Variants in SOS1 observed in about 807,000 individuals in gnomAD.
The protein encoded by SOS1 is SOS Ras/Rac guanine nucleotide exchange factor 1.
In SOS1, 25 loss-of-function variants were observed where a neutral mutation model predicts 157.6. That is an observed-to-expected ratio of 0.16 (90% CI 0.12 to 0.22). SOS1 has a LOEUF of 0.22. Ranked by LOEUF, SOS1 falls within the 10% of genes least tolerant of loss-of-function variation. SOS1 has a pLI of 1.00. For synonymous variants in SOS1, 528 were observed against 534.0 expected (o/e 0.99, Z 0.16); for missense variants, 1,237 against 1,599.1 (o/e 0.77, Z 3.86).
At position 39,003,224 on chromosome 2, in the gene SOS1, G is replaced by C. The variant is rs138503815; in HGVS notation, c.2791+3188C>G. Among the ~76,000 whole-genome samples, 630 of 152,054 alleles carry C rather than the reference G, an allele frequency of 4.1e-3. 8 individuals carry two copies. The highest frequency in any genetic ancestry group is 0.014 in the African/African-American group (597 of 41,476). ...AGCAAGTAAGTGAAAACAGAAATGA[G>C]AAAGATATATTACAAATAGCGGTAA... On this transcript the variant is annotated intron_variant, in intron 17 of 22. Transcript: ENST00000402219.
chr2:39,074,967 G>C (rs1000423461), intron 1 of SOS1, among the ~76,000 whole-genome samples: 3 of 152,086 alleles, frequency 2.0e-5, no homozygotes, highest in Non-Finnish European at 4.4e-5. Context: ...CATGTAGGGA[G>C]ACTGGAAGGC....
intron 22 of SOS1, 33 bp downstream of exon 22, chr2:38,987,440 C>G: frequency 9.0e-7 from 1 of 1,116,516 alleles, no homozygotes; most frequent in South Asian, 1.3e-5. Context: ...TGTAATGATT[C>G]CAATTTCTAC....
intron 1 of SOS1, among the ~76,000 whole-genome samples, chr2:39,075,601 C>T (rs1036925455): frequency 1.5e-3 from 226 of 151,288 alleles, no homozygotes; most frequent in African/African-American, 5.3e-3. Context: ...TCTAGGAGTC[C>T]GAGACCAGCC....
chr2:39,002,396 A>G (rs1468632148), intron 17 of SOS1, among the ~76,000 whole-genome samples: 1 of 152,140 alleles, frequency 6.6e-6, no homozygotes, highest in Non-Finnish European at 1.5e-5. Flanking sequence ...GGACAGTTTC[A>G]GTTTGTATAA....
chr2:39,099,356 CATATT>C (rs1296607013), intron 1 of SOS1, among the ~76,000 whole-genome samples: 7 of 152,234 alleles, frequency 4.6e-5, no homozygotes, highest in African/African-American at 1.2e-4. Context: ...TGAAAGACTA[CATATT>C]ATGAGTCCAT....
chr2:39,039,748 C>T (rs1670491307), intron 6 of SOS1, among the ~76,000 whole-genome samples: 1 of 152,064 alleles, frequency 6.6e-6, no homozygotes, highest in South Asian at 2.1e-4. Flanking sequence ...TGTGCAACTA[C>T]CATCATAATC....
intron 1 of SOS1, among the ~76,000 whole-genome samples, chr2:39,105,738 A>C (rs543197543): frequency 6.6e-6 from 1 of 151,912 alleles, no homozygotes; most frequent in Non-Finnish European, 1.5e-5. Flanking sequence ...CTCTACTAAA[A>C]ATACAAAAAA....
chr2:39,071,909 CT>C (rs140850029), intron 1 of SOS1, among the ~76,000 whole-genome samples: 5,898 of 131,140 alleles, frequency 0.045, 317 homozygotes, highest in African/African-American at 0.13. Flanking sequence ...GCCTATTTGG[CT>C]TTTTTTTTTT....
At chr2:39,060,794 C>T (rs1671373517) in intron 2 of SOS1, among the ~76,000 whole-genome samples, 1 of 151,850 alleles carries the variant, frequency 6.6e-6, no homozygotes, top group African/African-American at 2.4e-5. Flanking sequence ...ATGGCCATGA[C>T]CTGGAGTCTA....
intron 6 of SOS1, among the ~76,000 whole-genome samples, chr2:39,044,864 G>GCACA (rs59580960): frequency 0.055 from 8,105 of 147,678 alleles, 743 homozygotes; most frequent in African/African-American, 0.18. Flanking sequence ...GCGCGCGCGC[G>GCACA]CACACACACA....
At chr2:39,044,194 T>G (rs1176422921) in intron 6 of SOS1, among the ~76,000 whole-genome samples, 3 of 152,128 alleles carry the variant, frequency 2.0e-5, no homozygotes, top group Admixed American at 6.5e-5. Context: ...CTGTCTCTAC[T>G]AAAAATATGA....
At chr2:39,040,694 A>G (rs1460448673) in intron 6 of SOS1, among the ~76,000 whole-genome samples, 1 of 152,214 alleles carries the variant, frequency 6.6e-6, no homozygotes, top group Non-Finnish European at 1.5e-5. Context: ...TCCACTGTAT[A>G]TTCTACTGTA....
At chr2:39,094,145 T>G (rs1255368170) in intron 1 of SOS1, among the ~76,000 whole-genome samples, 2 of 152,090 alleles carry the variant, frequency 1.3e-5, no homozygotes, top group African/African-American at 4.8e-5. Context: ...ATTTTTTTTT[T>G]GTTTGTTTTG....
At chr2:39,096,147 G>C (rs185907285) in intron 1 of SOS1, among the ~76,000 whole-genome samples, 413 of 152,296 alleles carry the variant, frequency 2.7e-3, no homozygotes, top group Admixed American at 4.4e-3. Context: ...AACCTAGACA[G>C]GGGAAAGCAA....
chr2:39,012,036 A>T, intron 14 of SOS1, 90 bp downstream of exon 14: 1 of 981,470 alleles, frequency 1.0e-6, no homozygotes, highest in South Asian at 1.3e-5. Flanking sequence ...GTTAAGTCTT[A>T]TGAAAACCCT....
chr2:39,072,460 T>TA (rs1321201246), intron 1 of SOS1, among the ~76,000 whole-genome samples: 1 of 152,182 alleles, frequency 6.6e-6, no homozygotes, highest in Non-Finnish European at 1.5e-5. Flanking sequence ...CATAAGCCTT[T>TA]AAAGCAGAAA....
intron 15 of SOS1, among the ~76,000 whole-genome samples, chr2:39,008,289 C>T (rs190635644): frequency 6.6e-6 from 1 of 152,290 alleles, no homozygotes; most frequent in African/African-American, 2.4e-5. Flanking sequence ...AAGAAGACCT[C>T]AGGCTGCAGT....
intron 8 of SOS1, 82 bp downstream of exon 8, chr2:39,035,130 A>C (rs2124562194): frequency 1.2e-6 from 1 of 868,652 alleles, no homozygotes; most frequent in East Asian, 2.6e-5. Flanking sequence ...CAGGGTACTC[A>C]CACAATAATT....
At chr2:39,105,224 G>C (rs991472168) in intron 1 of SOS1, among the ~76,000 whole-genome samples, 2 of 151,588 alleles carry the variant, frequency 1.3e-5, no homozygotes, top group Non-Finnish European at 2.9e-5. Flanking sequence ...CAAAAAGTTT[G>C]TATCAATTAA....
Sources: gnomAD v4.1 joint callset for allele counts (sites outside exome capture counted in the v4.1 genomes callset) on GRCh38, gnomAD v4.1.1 for gene constraint, MANE v1.5 for transcripts, NCBI Gene and HGNC (gene_info 2026-07-23, HGNC 2026-07-21) for gene names.